EFR3A: variants seen among roughly 807,000 people sequenced by gnomAD.
EFR3A encodes the protein protein EFR3 homolog A.
Under a neutral mutation model 104.4 loss-of-function variants are expected in EFR3A, and 76 were observed. The ratio of observed to expected loss-of-function variants is 0.73; its 90% CI spans 0.60 to 0.88. The LOEUF is 0.88. Among genes scored for constraint, EFR3A ranks in the 40% least tolerant of loss-of-function variants. EFR3A has a pLI of 0.00. For synonymous variants in EFR3A, 330 were observed against 330.0 expected, an observed-to-expected ratio of 1.00 and a Z score of 0.00; for missense variants, 985 against 1,012.5, an observed-to-expected ratio of 0.97 and a Z score of 0.37.
chr8:131,949,832 G>A lies in EFR3A; in HGVS notation c.367-137G>A, dbSNP rs920454537. The stretch of plus-strand genomic sequence containing the variant: ...TATCTCAAGAAAGAAAGTTTCTTCT[G>A]TATTAATGTTGTATTTGATGTTTTG... On this transcript the variant is annotated intron_variant, in intron 4 of 22. Coordinates refer to ENST00000254624, the MANE Select transcript of EFR3A (RefSeq NM_015137.6). 80 of 808,490 alleles carry A rather than the reference G, an allele frequency of 9.9e-5. 1 individual carries two copies. In the South Asian group the frequency reaches 1.1e-3, roughly 11 times the overall value. 50.1% of individuals were successfully genotyped at this position (808,490 alleles called of 1,614,324 possible). A position where few individuals can be genotyped will look rare whatever the true frequency, so the allele number is the denominator to read the frequency against.
intron 2 of EFR3A, among the ~76,000 whole-genome samples, chr8:131,943,013 T>C (rs926094505): frequency 1.3e-5 from 2 of 152,072 alleles, no homozygotes; most frequent in South Asian, 4.1e-4. Flanking sequence ...ATGATGAAAA[T>C]GTTCTTTTCC....
intron 22 of EFR3A, among the ~76,000 whole-genome samples, chr8:132,006,416 G>A (rs1204285609): frequency 6.6e-6 from 1 of 151,610 alleles, no homozygotes; most frequent in Admixed American, 6.6e-5. Flanking sequence ...ACAATTTTAT[G>A]ACAATAAATT....
Position 131,927,539 on chromosome 8 carries a change from T to C in EFR3A, c.11-12960T>C, listed in dbSNP as rs1586548348. 3.3e-5 allele frequency among the ~76,000 whole-genome samples: 5 copies of C among 150,612 alleles called. No individual in the cohort carries two copies. In the East Asian group the frequency reaches 9.9e-4, roughly 30 times the overall value. ...ATTATTATTTTAGGTGATTATTTGG[T>C]GCTAATATGATTTTAGACACGGAAG... is the stretch of plus-strand genomic sequence containing the variant. On this transcript the variant is annotated intron_variant, in intron 1 of 22. Transcript: ENST00000254624.
intron 14 of EFR3A, among the ~76,000 whole-genome samples, chr8:131,980,009 T>C (rs1586643931): frequency 6.6e-6 from 1 of 152,172 alleles, no homozygotes. Flanking sequence ...TGTGCGGTTA[T>C]TATTCGTCCA....
At chr8:131,974,832 C>CAGT (rs1197018073) in intron 10 of EFR3A, among the ~76,000 whole-genome samples, 1 of 152,060 alleles carries the variant, frequency 6.6e-6, no homozygotes, top group Non-Finnish European at 1.5e-5. Flanking sequence ...ATGAATAGAA[C>CAGT]AGTTTGAGTT....
At chr8:131,953,012 T>C (rs1029898088) in intron 5 of EFR3A, among the ~76,000 whole-genome samples, 1 of 152,184 alleles carries the variant, frequency 6.6e-6, no homozygotes, top group African/African-American at 2.4e-5. Context: ...TTGAGACTCA[T>C]TGGGCCACCA....
rs576346502 is a variant in EFR3A, at chr8:131,970,223, T to C, written c.992-253T>C. 1.8e-3 allele frequency among the ~76,000 whole-genome samples: 279 copies of C among 152,332 alleles called. 2 individuals are homozygous for C. Among genetic ancestry groups the C allele is most frequent in the African/African-American group, 6.5e-3 (271 of 41,574 alleles). ...AATTCTTATATGCCTATACACATTT[T>C]TTAAGGGTGGAACCAGAGATTCAAA... On this transcript the variant is annotated intron_variant, in intron 9 of 22. Coordinates refer to ENST00000254624, the MANE Select transcript of EFR3A (RefSeq NM_015137.6).
At position 132,002,666 on chromosome 8, in the gene EFR3A, A is replaced by C; in HGVS notation, c.2270A>C (p.Lys757Thr). The stretch of plus-strand genomic sequence containing the variant: ...CGTCTTGTGATAGAGAAATTTCAGA[A>C]AGCACCTTTTGAAGAAATAGCAGCA... The part of the protein sequence containing the change: ...KRRLVIEKFQ[K>T]APFEEIAAQC... The change falls in exon 21 of 23, where the codon AAA (lysine) becomes ACA (threonine). Residue 757 changes from lysine to threonine, a missense_variant. Physicochemically the swap from Lys to Thr is moderately conservative, Grantham distance 78 (BLOSUM62 -1). Transcript: ENST00000254624. 2 of 1,613,778 alleles carry C rather than the reference A, an allele frequency of 1.2e-6. No homozygotes were observed. Among genetic ancestry groups the C allele is most frequent in the Non-Finnish European group, 1.7e-6 (2 of 1,179,738 alleles).
chr8:131,959,729 T>C (rs1017168062), intron 8 of EFR3A, 66 bp downstream of exon 8: 1 of 1,093,226 alleles, frequency 9.1e-7, no homozygotes, highest in African/African-American at 1.6e-5. Context: ...GATAAGCACA[T>C]TATCAAACAG....
rs933546869 is a variant in EFR3A, at chr8:131,987,841, A to G, written c.2065+139A>G. The G allele has an allele frequency of 6.9e-6, 6 of 872,736 alleles. No individual in the cohort carries two copies. The African/African-American group carries it at 7.1e-5, about 10-fold the overall frequency. The allele number at this position is 872,736 out of a possible 1,614,324, so 54.1% of individuals were successfully genotyped here. A position where few individuals can be genotyped will look rare whatever the true frequency, so the allele number is the denominator to read the frequency against. Reference sequence around the variant, plus strand: ...CAGCCATTTTCAAATGCTTAAGAGTATTTACTTCTGTTTTTTAATTTTGCT... The same window carrying G: ...CAGCCATTTTCAAATGCTTAAGAGTGTTTACTTCTGTTTTTTAATTTTGCT... On this transcript the variant is annotated intron_variant, in intron 18 of 22. Coordinates refer to ENST00000254624, the MANE Select transcript of EFR3A (RefSeq NM_015137.6).
Position 131,984,191 on chromosome 8 carries a change from A to T in EFR3A, c.1628A>T (p.Asn543Ile), listed in dbSNP as rs1367757662. 1.9e-6 allele frequency: 3 copies of T among 1,612,488 alleles called. No homozygotes were observed. The Admixed American group carries it at 5.0e-5, about 27-fold the overall frequency. Residue 543 changes from asparagine (N) to isoleucine (I), a missense_variant, in exon 15 of 23, where the codon AAC (asparagine) becomes ATC (isoleucine). Physicochemically the swap from Asn to Ile is moderately radical, Grantham distance 149. Coordinates refer to ENST00000254624, the MANE Select transcript of EFR3A (RefSeq NM_015137.6). ...HIYLGCKEEDNVQKNYELLYT... is the reference protein window; with the variant it reads ...HIYLGCKEEDIVQKNYELLYT... ...TATTTGGGTTGTAAAGAGGAAGACA[A>T]CGTTCAGAAAAACTATGAACTACTT...
In EFR3A at chr8:131,955,859, C is replaced by G; in HGVS notation, c.730C>G (p.Arg244Gly). 3.7e-6 allele frequency: 6 copies of G among 1,613,374 alleles called. No homozygotes were observed. The highest frequency in any genetic ancestry group is 5.1e-6 in the Non-Finnish European group (6 of 1,179,522). The change falls in exon 7 of 23, where the codon CGA (arginine) becomes GGA (glycine). Residue 244 changes from arginine to glycine, a missense_variant. Physicochemically the swap from Arg to Gly is moderately radical, Grantham distance 125. Transcript: ENST00000254624. ...AENCFRELLGRATFGNMNNAV... is the reference protein window; with the variant it reads ...AENCFRELLGGATFGNMNNAV... ...AAACTGTTTCAGAGAACTGCTGGGTCGAGCAACTTTTGGGAATATGAATAA... is the reference window on the plus strand; with the variant it reads ...AAACTGTTTCAGAGAACTGCTGGGTGGAGCAACTTTTGGGAATATGAATAA...
intron 15 of EFR3A, among the ~76,000 whole-genome samples, chr8:131,984,628 C>T (rs1173533809): frequency 6.6e-6 from 1 of 151,666 alleles, no homozygotes; most frequent in Non-Finnish European, 1.5e-5. Context: ...ATTAGAGTTG[C>T]GTAAGTGTTA....
intron 1 of EFR3A, among the ~76,000 whole-genome samples, chr8:131,928,585 A>G (rs925711032): frequency 2.0e-5 from 3 of 152,108 alleles, no homozygotes; most frequent in Admixed American, 6.6e-5. Context: ...GTTGTAAACT[A>G]TGTTATCAGT....
intron 1 of EFR3A, among the ~76,000 whole-genome samples, chr8:131,914,653 T>C (rs1816665614): frequency 1.3e-5 from 2 of 152,134 alleles, no homozygotes; most frequent in Non-Finnish European, 2.9e-5. Context: ...TTTTTAACTT[T>C]TATTTTAGGT....
In EFR3A at chr8:131,987,645, G is replaced by C; in HGVS notation, c.2008G>C (p.Gly670Arg). 1.3e-6 allele frequency: 2 copies of C among 1,597,416 alleles called. No individual in the cohort carries two copies. Among genetic ancestry groups the C allele is most frequent in the Non-Finnish European group, 1.7e-6 (2 of 1,170,918 alleles). ...FLTNKIAESL[G>R]GSGYSVERLS... Reference sequence around the variant, plus strand: ...GACCAACAAGATTGCAGAGTCGCTAGGTGGAAGTGGATATAGTGTTGAGAG... The same window carrying C: ...GACCAACAAGATTGCAGAGTCGCTACGTGGAAGTGGATATAGTGTTGAGAG... The change falls in exon 18 of 23, where the codon GGT (glycine) becomes CGT (arginine). Residue 670 changes from glycine to arginine, a missense_variant. Coordinates refer to ENST00000254624, the MANE Select transcript of EFR3A (RefSeq NM_015137.6).
At chr8:131,961,956 A>G (rs1174124496) in intron 8 of EFR3A, among the ~76,000 whole-genome samples, 5 of 152,316 alleles carry the variant, frequency 3.3e-5, no homozygotes, top group East Asian at 3.9e-4. Flanking sequence ...ATCCAGCCAA[A>G]CTAAGCTTCA....
At chr8:131,987,753 GT>G in intron 18 of EFR3A, 51 bp downstream of exon 18, 3 of 1,525,858 alleles carry the variant, frequency 2.0e-6, no homozygotes, top group Non-Finnish European at 2.6e-6. Flanking sequence ...TTATGTTATA[GT>G]AAATTTTTCA....
At chr8:131,930,352 G>A (rs561905787) in intron 1 of EFR3A, among the ~76,000 whole-genome samples, 47 of 151,924 alleles carry the variant, frequency 3.1e-4, no homozygotes, top group Non-Finnish European at 3.7e-4. Flanking sequence ...AGGAACAGAT[G>A]AATAGAATAG....
Sources: gnomAD v4.1 joint callset for allele counts (sites outside exome capture counted in the v4.1 genomes callset) on GRCh38, gnomAD v4.1.1 for gene constraint, MANE v1.5 for transcripts, NCBI Gene and HGNC (gene_info 2026-07-23, HGNC 2026-07-21) for gene names.